Variants in PCDHA3 observed in about 807,000 individuals in gnomAD.
PCDHA3 encodes protocadherin alpha-3.
PCDHA3 carries 41 observed loss-of-function variants against 62.2 expected under a neutral mutation model. The ratio of observed to expected loss-of-function variants is 0.66; its 90% CI spans 0.51 to 0.86. The LOEUF (loss-of-function observed/expected upper bound fraction) is 0.86. Among genes scored for constraint, PCDHA3 ranks in the 40% least tolerant of loss-of-function variants. The probability of loss-of-function intolerance (pLI) is 0.00; values close to 1 mark genes in which losing one functional copy is unlikely to be tolerated. For synonymous variants in PCDHA3, 640 were observed against 555.4 expected (o/e 1.15, Z -2.14); for missense variants, 1,304 against 1,241.2 (o/e 1.05, Z -0.76).
chr5:140,914,076 T>C (rs2076593853), intron 1 of PCDHA3, among the ~76,000 whole-genome samples: 1 of 152,218 alleles, frequency 6.6e-6, no homozygotes, highest in Non-Finnish European at 1.5e-5. Context: ...TCCATAACTA[T>C]CTATTAGGTC....
chr5:140,807,720 T>TA, intron 1 of PCDHA3: 1 of 1,614,190 alleles, frequency 6.2e-7, no homozygotes, highest in Non-Finnish European at 8.5e-7. Context: ...AATGAATACT[T>TA]TTCTCTGGAA....
chr5:140,955,914 G>A (rs1293205418), intron 1 of PCDHA3, among the ~76,000 whole-genome samples: 1 of 152,140 alleles, frequency 6.6e-6, no homozygotes, highest in East Asian at 1.9e-4. Context: ...TAGCAATTGT[G>A]AATGGGAGTT....
chr5:140,840,515 G>A (rs768946675), intron 1 of PCDHA3, among the ~76,000 whole-genome samples: 2 of 151,998 alleles, frequency 1.3e-5, no homozygotes, highest in African/African-American at 4.8e-5. Context: ...TTTTGGAGCA[G>A]AAGAAAGATG....
At position 141,006,497 on chromosome 5, in the gene PCDHA3, G is replaced by C. The variant is rs575942325; in HGVS notation, c.2543-3130G>C. Among the ~76,000 whole-genome samples the C allele has an allele frequency of 2.6e-5, 4 of 152,288 alleles. No homozygotes were observed. In the South Asian group the frequency reaches 8.3e-4, roughly 32 times the overall value. ...CAAAGTGCTGGGATTACATGTGTGA[G>C]CCACCGCGCCTGGCTGTTATACATC... On this transcript the variant is annotated intron_variant, in intron 3 of 3. Transcript: ENST00000522353.
At chr5:140,894,296 C>T (rs1434101692) in intron 1 of PCDHA3, among the ~76,000 whole-genome samples, 4 of 151,798 alleles carry the variant, frequency 2.6e-5, no homozygotes, top group African/African-American at 4.8e-5. Flanking sequence ...AGTTTATTTT[C>T]CTGGAAAGTT....
Position 140,851,361 on chromosome 5 carries a change from A to G in PCDHA3, c.2394+47770A>G, listed in dbSNP as rs1342409970. The G allele has an allele frequency of 6.1e-6, 6 of 978,064 alleles. No individual in the cohort carries two copies. In the African/African-American group the frequency reaches 8.8e-5, roughly 14 times the overall value. The allele number at this position is 978,064 out of a possible 1,614,324, so 60.6% of individuals were successfully genotyped here. On this transcript the variant is annotated intron_variant, in intron 1 of 3. Coordinates refer to ENST00000522353, the MANE Select transcript of PCDHA3 (RefSeq NM_018906.3). Reference sequence around the variant, plus strand: ...ACATTTCTCTGGATGGAGACTGTGAACATCTGATTGTTCAGCAACCTTCAG... The same window carrying G: ...ACATTTCTCTGGATGGAGACTGTGAGCATCTGATTGTTCAGCAACCTTCAG...
intron 1 of PCDHA3, chr5:140,968,975 T>G (rs782002097): frequency 2.5e-6 from 4 of 1,614,168 alleles, no homozygotes; most frequent in Non-Finnish European, 3.4e-6. Context: ...CTACACTGCG[T>G]ATGGCACTGC....
At chr5:140,927,258 T>C in intron 1 of PCDHA3, 1 of 1,613,878 alleles carries the variant, frequency 6.2e-7, no homozygotes, top group Non-Finnish European at 8.5e-7. Context: ...ACAACTCACC[T>C]CTCTTTCCTG....
intron 1 of PCDHA3, among the ~76,000 whole-genome samples, chr5:140,832,761 A>T (rs1003830493): frequency 6.6e-5 from 10 of 152,344 alleles, no homozygotes; most frequent in African/African-American, 2.4e-4. Flanking sequence ...AAAAGCAAGA[A>T]TATTGTAAGA....
chr5:140,892,185 C>T (rs569665979), intron 1 of PCDHA3, among the ~76,000 whole-genome samples: 1 of 152,254 alleles, frequency 6.6e-6, no homozygotes, highest in East Asian at 1.9e-4. Flanking sequence ...CCTCATGGGT[C>T]TATTCCTGTG....
chr5:140,808,810 C>T lies in PCDHA3; in HGVS notation c.2394+5219C>T, dbSNP rs536397665. Reference sequence around the variant, plus strand: ...TTCAGGTGACCGCTCGCGATGCCGGCGTGCCACCTCTGGGCAGCAACGTGA... The same window carrying T: ...TTCAGGTGACCGCTCGCGATGCCGGTGTGCCACCTCTGGGCAGCAACGTGA... On this transcript the variant is annotated intron_variant, in intron 1 of 3. Coordinates refer to ENST00000522353, the MANE Select transcript of PCDHA3 (RefSeq NM_018906.3). The T allele has an allele frequency of 2.5e-6, 4 of 1,612,770 alleles. No individual in the cohort carries two copies. In the African/African-American group the frequency reaches 5.3e-5, roughly 21 times the overall value.
intron 1 of PCDHA3, chr5:140,822,726 T>C (rs970673093): frequency 4.1e-5 from 66 of 1,612,616 alleles, no homozygotes; most frequent in Non-Finnish European, 5.4e-5. Context: ...CATATGAAAT[T>C]AATATTGATG....
intron 1 of PCDHA3, chr5:140,927,285 G>T: frequency 1.9e-6 from 3 of 1,614,154 alleles, no homozygotes; most frequent in Non-Finnish European, 2.5e-6. Context: ...ACGTGCAGCT[G>T]CACATCCCCG....
chr5:140,944,277 C>T (rs922160593), intron 1 of PCDHA3, among the ~76,000 whole-genome samples: 1 of 152,044 alleles, frequency 6.6e-6, no homozygotes, highest in Non-Finnish European at 1.5e-5. Flanking sequence ...AGCCTTGACA[C>T]CCCGGGCTCA....
rs782257079 is a variant in PCDHA3 at position 140,803,483 on chromosome 5, G to C, written c.2286G>C (p.Glu762Asp). ...QQRQQRVCSG[E>D]GLPKTDLMAF... ...GGCAGCAGAGGGTGTGCTCTGGAGA[G>C]GGGTTGCCCAAGACCGACCTCATGG... Residue 762 changes from glutamate to aspartate, a missense_variant, in exon 1 of 4, where the codon GAG becomes GAC. Transcript: ENST00000522353. The C allele has an allele frequency of 3.1e-6, 5 of 1,614,220 alleles. No homozygotes were observed. The highest frequency in any genetic ancestry group is 1.1e-5 in the South Asian group (1 of 91,080).
At chr5:140,822,175 A>G (rs1554128484) in intron 1 of PCDHA3, 1 of 1,614,258 alleles carries the variant, frequency 6.2e-7, no homozygotes, top group Admixed American at 1.7e-5. Flanking sequence ...CAGGTTCTCC[A>G]GACAAGAACA....
chr5:140,956,315 A>G (rs246013), intron 1 of PCDHA3, among the ~76,000 whole-genome samples: 85,586 of 151,908 alleles, frequency 0.56, 24,725 homozygotes, highest in African/African-American at 0.69. Flanking sequence ...TTATTTTGAG[A>G]TATGTTCCTT....
chr5:140,957,717 A>G (rs2095377934), intron 1 of PCDHA3, among the ~76,000 whole-genome samples: 1 of 152,166 alleles, frequency 6.6e-6, no homozygotes, highest in African/African-American at 2.4e-5. Context: ...TTATTAAGAA[A>G]GAAGCAGAAT....
chr5:140,884,138 G>A (rs782798249), intron 1 of PCDHA3: 3 of 1,613,410 alleles, frequency 1.9e-6, no homozygotes, highest in South Asian at 1.1e-5. Context: ...CCCGTTCCGC[G>A]TGGGGCTGTA....
Sources: gnomAD v4.1 joint callset for allele counts (sites outside exome capture counted in the v4.1 genomes callset) on GRCh38, gnomAD v4.1.1 for gene constraint, MANE v1.5 for transcripts, NCBI Gene and HGNC (gene_info 2026-07-23, HGNC 2026-07-21) for gene names.